PFKM: variants seen among roughly 807,000 people sequenced by gnomAD.
PFKM encodes ATP-dependent 6-phosphofructokinase, muscle type.
PFKM carries 58 observed loss-of-function variants against 95.5 expected under a neutral mutation model. That is an observed-to-expected ratio of 0.61 (90% confidence interval 0.49 to 0.76). The LOEUF is 0.76. PFKM is among the 30% of genes least tolerant of loss of function. The pLI, the probability that PFKM is intolerant of heterozygous loss-of-function variation, is 0.00. For synonymous variants in PFKM, 336 were observed against 357.2 expected, an observed-to-expected ratio of 0.94 and a Z score of 0.67; for missense variants, 678 against 1,005.4, an observed-to-expected ratio of 0.67 and a Z score of 4.40.
chr12:48,134,354 G>A, intron 7 of PFKM, 78 bp downstream of exon 7: 1 of 1,233,724 alleles, frequency 8.1e-7, no homozygotes. Flanking sequence ...GTCCAGTGAG[G>A]TCTCTCAGTA....
Position 48,137,818 on chromosome 12 carries a change from G to A in PFKM, c.1034G>A (p.Arg345His), listed in dbSNP as rs768149447. The A allele has an allele frequency of 1.1e-5, 18 of 1,613,994 alleles. No individual in the cohort carries two copies. Among genetic ancestry groups the A allele is most frequent in the East Asian group, 2.2e-5 (1 of 44,882 alleles). Residue 345 changes from arginine (R) to histidine (H), a missense_variant, in exon 11 of 23, where the codon CGC (arginine) becomes CAC (histidine). Arg to His is a conservative substitution (Grantham distance 29). Coordinates refer to ENST00000359794, the MANE Select transcript of PFKM (RefSeq NM_000289.6). ...AGCCTCTCTGGTAACCAGGCTGTGC[G>A]CCTGCCCCTCATGGAATGTGTCCAG... is the stretch of plus-strand genomic sequence containing the variant. The part of the protein sequence containing the change: ...VVSLSGNQAV[R>H]LPLMECVQVT...
chr12:48,122,230 C>A (rs138411076), intron 1 of PFKM, among the ~76,000 whole-genome samples: 2 of 152,278 alleles, frequency 1.3e-5, no homozygotes, highest in Non-Finnish European at 2.9e-5. Flanking sequence ...ACTCCAGTTT[C>A]AACTCCATAT....
intron 7 of PFKM, among the ~76,000 whole-genome samples, chr12:48,134,508 G>A (rs1321481993): frequency 6.6e-6 from 1 of 152,204 alleles, no homozygotes; most frequent in Admixed American, 6.5e-5. Context: ...TCTGAGGCTG[G>A]AAGCCACTGT....
chr12:48,119,521 A>G (rs1462549103), intron 1 of PFKM, 115 bp downstream of exon 1: 2 of 554,472 alleles, frequency 3.6e-6, no homozygotes, highest in Non-Finnish European at 4.6e-6. Context: ...AAAAGAAGAG[A>G]TACGGCATCC....
chr12:48,124,655 G>A (rs185525945), intron 2 of PFKM, among the ~76,000 whole-genome samples: 1 of 152,250 alleles, frequency 6.6e-6, no homozygotes, highest in African/African-American at 2.4e-5. Flanking sequence ...GTTTTATGGA[G>A]GCAGGGACTA....
At chr12:48,114,790 C>T (rs986577965), upstream of PFKM, among the ~76,000 whole-genome samples, 6 of 152,034 alleles carry the variant, frequency 3.9e-5, no homozygotes, top group Admixed American at 6.5e-5. Flanking sequence ...ATCTAGGTCT[C>T]GTAGGATGGA....
intron 15 of PFKM, 78 bp downstream of exon 15, chr12:48,141,459 T>A: frequency 1.6e-6 from 2 of 1,283,450 alleles, no homozygotes; most frequent in Middle Eastern, 1.8e-4. Flanking sequence ...TATGCCATGG[T>A]CTGCTTCAAC....
chr12:48,143,270 C>T (rs1592811987), intron 18 of PFKM, among the ~76,000 whole-genome samples: 1 of 152,292 alleles, frequency 6.6e-6, no homozygotes, highest in East Asian at 1.9e-4. Context: ...GGTTAAAAAA[C>T]TTTTCTAAAC....
intron 20 of PFKM, 152 bp downstream of exon 20, chr12:48,144,309 TAC>T (rs1592820821): frequency 1.4e-6 from 1 of 703,734 alleles, no homozygotes; most frequent in Non-Finnish European, 2.6e-6. Context: ...TGCAGTCTCT[TAC>T]AGTCATAGAA....
At chr12:48,120,963 C>T (rs774118678) in intron 1 of PFKM, among the ~76,000 whole-genome samples, 23 of 152,026 alleles carry the variant, frequency 1.5e-4, no homozygotes, top group Non-Finnish European at 2.9e-4. Context: ...CCAGCTTGAC[C>T]GACATGGTGA....
upstream of PFKM, chr12:48,118,387 C>T: frequency 4.4e-6 from 3 of 683,078 alleles, no homozygotes; most frequent in Non-Finnish European, 7.7e-6. Context: ...TTTCCACTTT[C>T]TTGATGGTAT....
chr12:48,118,095 A>G (rs1175445839), upstream of PFKM, among the ~76,000 whole-genome samples: 1 of 152,222 alleles, frequency 6.6e-6, no homozygotes, highest in East Asian at 1.9e-4. Context: ...GTTTCTTATC[A>G]GACTTAAAGA....
chr12:48,141,468 A>G, intron 15 of PFKM, 87 bp downstream of exon 15: 2 of 1,180,120 alleles, frequency 1.7e-6, no homozygotes, highest in South Asian at 1.2e-5. Context: ...GTCTGCTTCA[A>G]CCACCCTGTT....
chr12:48,135,436 T>C, intron 10 of PFKM, 53 bp downstream of exon 10: 1 of 1,283,714 alleles, frequency 7.8e-7, no homozygotes, highest in Non-Finnish European at 1.1e-6. Flanking sequence ...AACCTTGTAG[T>C]CCTGCCCCCT....
At position 48,145,489 on chromosome 12, in the gene PFKM, C is replaced by G; in HGVS notation, c.2199-75C>G. The G allele has an allele frequency of 6.4e-7, 1 of 1,571,306 alleles. No individual in the cohort carries two copies. Among genetic ancestry groups the G allele is most frequent in the South Asian group, 1.1e-5 (1 of 89,598 alleles). ...AAATCTAACCTCTTCTGTCTAACTTCTTCCTATAAACCTTTGGTAGAAGTT... is the reference window on the plus strand; with the variant it reads ...AAATCTAACCTCTTCTGTCTAACTTGTTCCTATAAACCTTTGGTAGAAGTT... On this transcript the variant is annotated intron_variant, in intron 22 of 22. Coordinates refer to ENST00000359794, the MANE Select transcript of PFKM (RefSeq NM_000289.6). The surrounding 1 kb of genome is among the most constrained non-coding windows in gnomAD (Gnocchi z 4.3).
At chr12:48,132,687 C>G in intron 4 of PFKM, 181 bp from the exon 5 acceptor site, 1 of 649,372 alleles carries the variant, frequency 1.5e-6, no homozygotes, top group South Asian at 1.8e-5. Context: ...GGGAATGACC[C>G]TATGATGCCT....
chr12:48,125,216 A>G (rs1948705236), intron 2 of PFKM: 1 of 369,260 alleles, frequency 2.7e-6, no homozygotes, highest in Non-Finnish European at 5.3e-6. Flanking sequence ...TGACATCGGC[A>G]TATTCTACCC....
intron 1 of PFKM, among the ~76,000 whole-genome samples, chr12:48,120,219 A>G (rs756684857): frequency 2.6e-5 from 4 of 152,174 alleles, no homozygotes; most frequent in African/African-American, 7.2e-5. Flanking sequence ...GCGTGTCTCT[A>G]TGTTCCTTTC....
At chr12:48,124,846 T>C (rs1260407765) in intron 2 of PFKM, among the ~76,000 whole-genome samples, 1 of 152,206 alleles carries the variant, frequency 6.6e-6, no homozygotes. Flanking sequence ...TGAGAGGTCC[T>C]AGCTGAAGGA....
Sources: gnomAD v4.1 joint callset for allele counts (sites outside exome capture counted in the v4.1 genomes callset) on GRCh38, gnomAD v4.1.1 for gene constraint, Gnocchi (gnomAD v3.1) non-coding constraint, MANE v1.5 for transcripts, NCBI Gene and HGNC (gene_info 2026-07-23, HGNC 2026-07-21) for gene names.